NUP54: variants seen among roughly 807,000 people sequenced by gnomAD.
The protein encoded by NUP54 is nucleoporin p54.
Under a neutral mutation model 66.4 loss-of-function variants are expected in NUP54, and 27 were observed. The ratio of observed to expected loss-of-function variants is 0.41; its 90% CI spans 0.30 to 0.56. The LOEUF is 0.56. Ranked by LOEUF, NUP54 falls within the 20% of genes least tolerant of loss-of-function variation. NUP54 has a pLI of 0.34. For synonymous variants in NUP54, 206 were observed against 210.7 expected (o/e 0.98, Z 0.19); for missense variants, 486 against 596.3 (o/e 0.82, Z 1.93).
chr4:76,132,758 A>C (rs770297624), intron 5 of NUP54, 39 bp from the exon 6 acceptor site: 8 of 1,504,792 alleles, frequency 5.3e-6, no homozygotes, highest in African/African-American at 2.8e-5. Flanking sequence ...TATGGAGCAC[A>C]AAACTCATAG....
intron 4 of NUP54, among the ~76,000 whole-genome samples, chr4:76,135,980 T>C (rs936925692): frequency 5.3e-5 from 8 of 152,220 alleles, no homozygotes; most frequent in Admixed American, 5.2e-4. Flanking sequence ...AGTCACACCT[T>C]CCTTCATTCA....
Position 76,148,366 on chromosome 4 carries a change from GA to G in NUP54, c.8del (p.Phe3SerfsTer75). The G allele has an allele frequency of 1.3e-6, 2 of 1,545,128 alleles. No individual in the cohort carries two copies. Among genetic ancestry groups the G allele is most frequent in the Admixed American group, 2.0e-5 (1 of 50,578 alleles). On this transcript the variant is annotated frameshift_variant, in exon 1 of 12. Coordinates refer to ENST00000264883, the MANE Select transcript of NUP54 (RefSeq NM_017426.4). LOFTEE classifies it high-confidence loss of function. The part of the protein sequence containing the change: MA[F>X]NFGAPSGTSG... ...AGGTGCCCGAGGGAGCCCCAAAATT[GA>G]AGGCCATGTCGCGAAAGCAGGAGAC... is the stretch of plus-strand genomic sequence containing the variant.
intron 3 of NUP54, among the ~76,000 whole-genome samples, chr4:76,139,867 TTC>T (rs1731190470): frequency 1.3e-5 from 2 of 152,222 alleles, no homozygotes; most frequent in Non-Finnish European, 2.9e-5. Flanking sequence ...ACTTCTTTTT[TTC>T]TTTGTTAGCA....
chr4:76,131,275 G>C lies in NUP54; in HGVS notation c.917C>G (p.Pro306Arg). 1.3e-6 allele frequency: 2 copies of C among 1,579,294 alleles called. No homozygotes were observed. Among genetic ancestry groups the C allele is most frequent in the Non-Finnish European group, 1.7e-6 (2 of 1,156,878 alleles). Residue 306 changes from proline to arginine, a missense_variant, in exon 7 of 12, where the codon CCT becomes CGT. By Grantham distance (103) the Pro-to-Arg change is moderately radical (BLOSUM62 -2). Around this residue, in one of 4 missense-constraint regions of NUP54, gnomAD observed 217 missense variants for 247.9 expected, o/e 0.88. Transcript: ENST00000264883. ...TACCTTGGCCTGTTCCCAGATAATAGGATCAACACCTACCACAAATAAAAA... is the reference window on the plus strand; with the variant it reads ...TACCTTGGCCTGTTCCCAGATAATACGATCAACACCTACCACAAATAAAAA... ...LLQNPPAGVD[P>R]IIWEQAKVDN...
intron 8 of NUP54, 58 bp downstream of exon 8, chr4:76,130,598 A>G: frequency 8.9e-7 from 1 of 1,123,608 alleles, no homozygotes; most frequent in Non-Finnish European, 1.4e-6. Context: ...AAAGAATTAA[A>G]TGTCTATAAT....
intron 9 of NUP54, among the ~76,000 whole-genome samples, chr4:76,121,557 TG>T (rs995276574): frequency 2.8e-4 from 43 of 152,324 alleles, no homozygotes; most frequent in Non-Finnish European, 4.7e-4. Flanking sequence ...CTCAAACTCC[TG>T]GGCTCAGGTG....
At position 76,134,295 on chromosome 4, in the gene NUP54, T is replaced by C. The variant is rs1730937301; in HGVS notation, c.590A>G (p.Lys197Arg). The stretch of plus-strand genomic sequence containing the variant: ...TTGGCTTCGAATCTCTGTTTCTTTT[T>C]TGTTGAAAACTAAAACCACTAGCCC... ...EDGLVVLVFN[K>R]KETEIRSQQQ... The change falls in exon 5 of 12, where the codon AAA (lysine) becomes AGA (arginine). Residue 197 changes from lysine to arginine, a missense_variant. Lys to Arg is a conservative substitution (Grantham distance 26, BLOSUM62 2). Around this residue, in one of 4 missense-constraint regions of NUP54, gnomAD observed 217 missense variants for 247.9 expected, o/e 0.88. Coordinates refer to ENST00000264883, the MANE Select transcript of NUP54 (RefSeq NM_017426.4). 4 of 1,613,964 alleles carry C rather than the reference T, an allele frequency of 2.5e-6. No individual in the cohort carries two copies. The highest frequency in any genetic ancestry group is 3.4e-6 in the Non-Finnish European group (4 of 1,179,920).
chr4:76,144,549 T>C (rs1224271813), intron 1 of NUP54, 76 bp from the exon 2 acceptor site: 2 of 1,021,252 alleles, frequency 2.0e-6, no homozygotes, highest in Non-Finnish European at 2.8e-6. Flanking sequence ...AAAATTATTT[T>C]ATAATTGCTA....
At position 76,115,110 on chromosome 4, in the gene NUP54, C is replaced by A; in HGVS notation, c.*256G>T. ...TTGTAAAAATGTACAATAGTACATA[C>A]AATTTTGGTAATTATGCACTTCTTT... is the stretch of plus-strand genomic sequence containing the variant. On this transcript the variant is annotated 3_prime_UTR_variant, in exon 12 of 12. Transcript: ENST00000264883. 3.2e-6 allele frequency: 1 copy of A among 313,620 alleles called. No individual in the cohort carries two copies. The highest frequency in any genetic ancestry group is 5.0e-5 in the Admixed American group (1 of 20,022). 19.4% of individuals were successfully genotyped at this position (313,620 alleles called of 1,614,324 possible). A position where few individuals can be genotyped will look rare whatever the true frequency, so the allele number is the denominator to read the frequency against.
At position 76,124,667 on chromosome 4, in the gene NUP54, A is replaced by G; in HGVS notation, c.1146T>C (p.Leu382=). The change falls in exon 9 of 12, where the codon CTT becomes CTC. Residue 382 remains leucine (L), a synonymous_variant. Coordinates refer to ENST00000264883, the MANE Select transcript of NUP54 (RefSeq NM_017426.4). The part of the protein sequence containing the change: ...IAQYKRKLMD[L]SHRTLQVLIK... ...TTACTACCTGTAAAGTTCTATGGGA[A>G]AGATCCATGAGTTTCCTCTTGTATT... 1.3e-6 allele frequency: 2 copies of G among 1,590,908 alleles called. No homozygotes were observed.
intron 4 of NUP54, among the ~76,000 whole-genome samples, chr4:76,134,917 G>A (rs1265677304): frequency 6.6e-6 from 1 of 151,984 alleles, no homozygotes; most frequent in Non-Finnish European, 1.5e-5. Flanking sequence ...AGTGTTCTGA[G>A]CATGTTTAAA....
chr4:76,136,326 T>C lies in NUP54; in HGVS notation c.382A>G (p.Thr128Ala), dbSNP rs750667435. 1.1e-5 allele frequency: 18 copies of C among 1,614,004 alleles called. No individual in the cohort carries two copies. The highest frequency in any genetic ancestry group is 1.7e-5 in the Admixed American group (1 of 60,002). The change falls in exon 4 of 12, where the codon ACG (threonine) becomes GCG (alanine). Residue 128 changes from threonine to alanine, a missense_variant. Physicochemically the swap from Thr to Ala is moderately conservative, Grantham distance 58 (BLOSUM62 0). Around this residue, in one of 4 missense-constraint regions of NUP54, gnomAD observed 41 missense variants for 82.7 expected, o/e 0.50. Transcript: ENST00000264883. ...INTASALSAP[T>A]LLGDERDAIL... is the part of the protein sequence containing the mutation. Reference sequence around the variant, plus strand: ...GCATCTCTCTCATCTCCCAACAGCGTTGGAGCAGAAAGAGCACTCGCAGTA... The same window carrying C: ...GCATCTCTCTCATCTCCCAACAGCGCTGGAGCAGAAAGAGCACTCGCAGTA...
chr4:76,127,596 T>C (rs1295387542), intron 8 of NUP54, among the ~76,000 whole-genome samples: 1 of 152,086 alleles, frequency 6.6e-6, no homozygotes, highest in East Asian at 1.9e-4. Context: ...TCTCAGACTT[T>C]GGGGTGAAAA....
At chr4:76,138,852 T>C (rs1245620117) in intron 3 of NUP54, among the ~76,000 whole-genome samples, 1 of 152,148 alleles carries the variant, frequency 6.6e-6, no homozygotes, top group Admixed American at 6.5e-5. Flanking sequence ...AAAACTAGAC[T>C]GGAGTGTCAC....
chr4:76,140,113 G>A (rs62300624), intron 3 of NUP54, among the ~76,000 whole-genome samples: 19,996 of 151,986 alleles, frequency 0.13, 1,544 homozygotes, highest in East Asian at 0.35. Flanking sequence ...GGTGAAGACT[G>A]GGGAACGGAG....
chr4:76,116,871 A>G (rs1226703764), intron 11 of NUP54, among the ~76,000 whole-genome samples: 2 of 152,172 alleles, frequency 1.3e-5, no homozygotes, highest in South Asian at 2.1e-4. Flanking sequence ...TACTACCTCT[A>G]AATTCATCTT....
chr4:76,129,932 A>G (rs1369332952), intron 8 of NUP54, among the ~76,000 whole-genome samples: 1 of 135,900 alleles, frequency 7.4e-6, no homozygotes, highest in Non-Finnish European at 1.6e-5. Flanking sequence ...AATTTCTCTG[A>G]CCTTTAAGAA....
intron 3 of NUP54, among the ~76,000 whole-genome samples, chr4:76,136,941 A>C (rs1731064347): frequency 6.6e-6 from 1 of 152,194 alleles, no homozygotes; most frequent in East Asian, 1.9e-4. Flanking sequence ...GTATGGCAGC[A>C]ATAGGAAACT....
rs1232010358 is a variant in NUP54, at chr4:76,115,392, G to A, written c.1498C>T (p.His500Tyr). ...LVEHGLNETI[H>Y]IRGGVFS ...CAACTAAAGACACCACCTCTGATGTGGATGGTTTCATTCAATCCATGTTCG... is the reference window on the plus strand; with the variant it reads ...CAACTAAAGACACCACCTCTGATGTAGATGGTTTCATTCAATCCATGTTCG... The change falls in exon 12 of 12, where the codon CAC (histidine) becomes TAC (tyrosine). Residue 500 changes from histidine to tyrosine, a missense_variant. Physicochemically the swap from His to Tyr is moderately conservative, Grantham distance 83. This residue lies in a region of NUP54 where 83 missense variants were observed against 128.6 expected (regional missense o/e 0.65). Transcript: ENST00000264883. 2 of 1,606,500 alleles carry A rather than the reference G, an allele frequency of 1.2e-6. No homozygotes were observed. The highest frequency in any genetic ancestry group is 1.7e-6 in the Non-Finnish European group (2 of 1,177,154).
Sources: allele counts gnomAD v4.1 joint callset (sites outside exome capture counted in the v4.1 genomes callset), GRCh38; gene constraint gnomAD v4.1.1; regional missense constraint gnomAD v4.1.1; transcripts MANE v1.5; gene names NCBI Gene and HGNC (gene_info 2026-07-23, HGNC 2026-07-21).